Variants in PCDH15 observed in about 807,000 individuals in gnomAD.
The protein encoded by PCDH15 is protocadherin related 15.
Under a neutral mutation model 178.5 loss-of-function variants are expected in PCDH15, and 129 were observed. That is an observed-to-expected ratio of 0.72 (90% CI 0.63 to 0.84). PCDH15 has a LOEUF of 0.84. Ranked by LOEUF, PCDH15 falls within the 40% of genes least tolerant of loss-of-function variation. The pLI is 0.00. For synonymous variants in PCDH15, 800 were observed against 732.0 expected (o/e 1.09, Z -1.50); for missense variants, 2,230 against 2,099.9 (o/e 1.06, Z -1.21).
At chr10:55,589,534 C>G (rs868703923) in intron 2 of PCDH15, among the ~76,000 whole-genome samples, 20 of 151,606 alleles carry the variant, frequency 1.3e-4, no homozygotes, top group Admixed American at 6.6e-4. Context: ...GCAACCTACA[C>G]AATGGGAGAA....
chr10:54,390,415 C>G (rs1384518763), intron 3 of PCDH15, among the ~76,000 whole-genome samples: 1 of 152,144 alleles, frequency 6.6e-6, no homozygotes, highest in East Asian at 1.9e-4. Context: ...GCCTCAGCCT[C>G]CTGAGGAGCT....
intron 2 of PCDH15, among the ~76,000 whole-genome samples, chr10:54,962,785 C>T (rs1010807729): frequency 2.0e-5 from 3 of 152,130 alleles, no homozygotes; most frequent in African/African-American, 7.2e-5. Context: ...CTTTAGCAGG[C>T]ATGGGATCCG....
chr10:53,818,158 T>C (rs537440315), intron 33 of PCDH15, 145 bp from the exon 34 acceptor site: 1 of 388,972 alleles, frequency 2.6e-6, no homozygotes, highest in African/African-American at 2.1e-5. Context: ...GTGGGAAGTA[T>C]ATTTTGTGGA....
chr10:54,512,095 G>C (rs1415345492), intron 3 of PCDH15, among the ~76,000 whole-genome samples: 2 of 152,034 alleles, frequency 1.3e-5, no homozygotes, highest in Non-Finnish European at 2.9e-5. Flanking sequence ...TATTTCTTAA[G>C]AGAAAATTCA....
intron 2 of PCDH15, among the ~76,000 whole-genome samples, chr10:55,412,068 G>T (rs1194535531): frequency 1.3e-5 from 2 of 151,884 alleles, no homozygotes; most frequent in African/African-American, 4.8e-5. Context: ...AGAAGAAAGA[G>T]AATGATGATC....
rs111874348 is a variant in PCDH15, at chr10:55,164,483, C to T, written c.-80+2093G>A. On this transcript the variant is annotated intron_variant, in intron 2 of 5. Transcript: ENST00000458638. ...AAAGATATATAAGATATACAAAATG[C>T]TGTAAGAAAAATAATTAAGTAATAC... is the stretch of plus-strand genomic sequence containing the variant. Among the ~76,000 whole-genome samples, 1,312 of 150,330 alleles carry T rather than the reference C, an allele frequency of 8.7e-3. 24 individuals carry two copies. The highest frequency in any genetic ancestry group is 0.03 in the African/African-American group (1,230 of 41,120).
rs1223128955 is a variant in PCDH15 at position 54,329,707 on chromosome 10, C to G, written c.595-1G>C. On this transcript the variant is annotated splice_acceptor_variant, in intron 6 of 37. Transcript: ENST00000644397. LOFTEE classifies it high-confidence loss of function. ...GAATTTCAAAGGTGTCATTGGATGTCTGCAAATATTAAAGATACAGACTTC... is the reference window on the plus strand; with the variant it reads ...GAATTTCAAAGGTGTCATTGGATGTGTGCAAATATTAAAGATACAGACTTC... 2 of 1,530,502 alleles carry G rather than the reference C, an allele frequency of 1.3e-6. No homozygotes were observed. The highest frequency in any genetic ancestry group is 1.7e-5 in the Admixed American group (1 of 59,762). The allele number at this position is 1,530,502 out of a possible 1,614,324, so 94.8% of individuals were successfully genotyped here. A position where few individuals can be genotyped will look rare whatever the true frequency, so the allele number is the denominator to read the frequency against.
chr10:54,586,045 A>G (rs1056677995), intron 2 of PCDH15, among the ~76,000 whole-genome samples: 1 of 152,096 alleles, frequency 6.6e-6, no homozygotes, highest in South Asian at 2.1e-4. Flanking sequence ...TACTCCCAGT[A>G]TTTTCCTTTA....
chr10:54,804,140 C>T (rs1464646471), upstream of PCDH15, among the ~76,000 whole-genome samples: 2 of 152,038 alleles, frequency 1.3e-5, no homozygotes, highest in Admixed American at 1.3e-4. Context: ...CCTGGGTTCA[C>T]GCCATTCTCC....
chr10:55,083,230 A>G (rs993573016), intron 2 of PCDH15, among the ~76,000 whole-genome samples: 1 of 152,000 alleles, frequency 6.6e-6, no homozygotes, highest in Admixed American at 6.6e-5. Context: ...TATCCCAGAG[A>G]TGCAAGGATG....
chr10:54,950,011 A>T (rs1447522969), intron 2 of PCDH15, among the ~76,000 whole-genome samples: 1 of 151,806 alleles, frequency 6.6e-6, no homozygotes, highest in African/African-American at 2.4e-5. Flanking sequence ...AACTGTTCCA[A>T]CCTCTGCCTC....
intron 13 of PCDH15, among the ~76,000 whole-genome samples, chr10:54,181,100 T>C (rs2047943259): frequency 6.6e-6 from 1 of 152,176 alleles, no homozygotes; most frequent in Admixed American, 6.5e-5. Context: ...CATTTCCAAT[T>C]ATGTCATTAT....
chr10:54,763,500 GACCAA>G (rs1271953653), intron 1 of PCDH15, among the ~76,000 whole-genome samples: 1 of 151,988 alleles, frequency 6.6e-6, no homozygotes, highest in Non-Finnish European at 1.5e-5. Context: ...TGGTTAATGG[GACCAA>G]ACATACAGTT....
chr10:54,219,434 CAAA>C (rs930396375), intron 9 of PCDH15, among the ~76,000 whole-genome samples: 2 of 145,792 alleles, frequency 1.4e-5, no homozygotes, highest in Admixed American at 6.9e-5. Flanking sequence ...ACTAAAAATA[CAAA>C]AAAAAATTAG....
intron 15 of PCDH15, among the ~76,000 whole-genome samples, chr10:54,109,902 C>A (rs1307467904): frequency 6.6e-6 from 1 of 152,124 alleles, no homozygotes; most frequent in Non-Finnish European, 1.5e-5. Context: ...ACCCCATTAT[C>A]CTGATGTGAC....
chr10:54,476,182 T>C (rs1244689634), intron 3 of PCDH15, among the ~76,000 whole-genome samples: 1 of 151,768 alleles, frequency 6.6e-6, no homozygotes, highest in African/African-American at 2.4e-5. Context: ...AATACTTAAG[T>C]GCCTGACTGA....
At chr10:55,079,497 G>A (rs956957788) in intron 2 of PCDH15, among the ~76,000 whole-genome samples, 2 of 152,140 alleles carry the variant, frequency 1.3e-5, no homozygotes, top group South Asian at 2.1e-4. Context: ...ACAACTGTGG[G>A]CTGATCATGC....
At chr10:54,594,425 G>A (rs2092083879) in intron 2 of PCDH15, among the ~76,000 whole-genome samples, 2 of 152,138 alleles carry the variant, frequency 1.3e-5, no homozygotes, top group African/African-American at 2.4e-5. Flanking sequence ...TTGGTGTGCT[G>A]TCTTCTCTTT....
chr10:55,614,519 C>T (rs1209542006), intron 2 of PCDH15, among the ~76,000 whole-genome samples: 2 of 151,974 alleles, frequency 1.3e-5, no homozygotes, highest in African/African-American at 4.8e-5. Flanking sequence ...TTTGTTAGAC[C>T]GTTTCATTTT....
Sources: allele counts gnomAD v4.1 joint callset (sites outside exome capture counted in the v4.1 genomes callset), GRCh38; gene constraint gnomAD v4.1.1; transcripts MANE v1.5; gene names NCBI Gene and HGNC (gene_info 2026-07-23, HGNC 2026-07-21).